The following PABPC4L variants were observed in gnomAD, a reference collection of about 807,000 sequenced individuals.
PABPC4L encodes the protein poly(A) binding protein cytoplasmic 4 like.
For synonymous variants in PABPC4L, 169 were observed against 164.1 expected (o/e 1.03, Z -0.23); for missense variants, 452 against 451.4 (o/e 1.00, Z -0.01).
the PABPC4L span, among the ~76,000 whole-genome samples, chr4:133,979,273 A>G: frequency 6.6e-6 from 1 of 152,184 alleles, no homozygotes; most frequent in East Asian, 1.9e-4. Context: ...TACAATTTTT[A>G]TGCAATTTAC....
chr4:134,105,795 T>C, the PABPC4L span, among the ~76,000 whole-genome samples: 1 of 151,820 alleles, frequency 6.6e-6, no homozygotes, highest in East Asian at 1.9e-4. Context: ...GGCTTTATTC[T>C]CTAATCAATT....
chr4:134,111,857 T>C, the PABPC4L span, among the ~76,000 whole-genome samples: 1 of 152,014 alleles, frequency 6.6e-6, no homozygotes, highest in Non-Finnish European at 1.5e-5. Context: ...TTGCCCAGTC[T>C]CTGGTGTGTC....
the PABPC4L span, among the ~76,000 whole-genome samples, chr4:133,985,028 A>G: frequency 6.6e-6 from 1 of 152,004 alleles, no homozygotes. Context: ...ATCTACCACT[A>G]CTTTCATAGG....
At chr4:134,007,223 A>C in the PABPC4L span, among the ~76,000 whole-genome samples, 4 of 151,834 alleles carry the variant, frequency 2.6e-5, no homozygotes, top group Middle Eastern at 3.2e-3. Flanking sequence ...ATAGGGTTTT[A>C]TATTTACTAT....
chr4:134,068,558 C>T, the PABPC4L span, among the ~76,000 whole-genome samples: 408 of 152,158 alleles, frequency 2.7e-3, 3 homozygotes, highest in African/African-American at 9.2e-3. Flanking sequence ...TTGATCATGT[C>T]ATCATGTTGT....
chr4:134,200,865 C>A lies in PABPC4L; in HGVS notation c.155G>T (p.Gly52Val). The change falls in exon 2 of 2, where the codon GGC becomes GTC. Residue 52 changes from glycine to valine, a missense_variant. By Grantham distance (109) the Gly-to-Val change is moderately radical. Coordinates refer to ENST00000421491, the MANE Select transcript of PABPC4L (RefSeq NM_001114734.2). ...CTGCAAGAAGTTCACGTAGGCATAG[C>A]CCAGAGAGCGGCGGGTGACCTGGTC... ...CRDQVTRRSLGYAYVNFLQLA... is the reference protein window; with the variant it reads ...CRDQVTRRSLVYAYVNFLQLA... 6.3e-7 allele frequency: 1 copy of A among 1,574,932 alleles called. No homozygotes were observed. The highest frequency in any genetic ancestry group is 1.7e-4 in the Middle Eastern group (1 of 6,030).
chr4:134,034,818 A>T, the PABPC4L span, among the ~76,000 whole-genome samples: 1 of 152,014 alleles, frequency 6.6e-6, no homozygotes, highest in Non-Finnish European at 1.5e-5. Flanking sequence ...GGTGATCATG[A>T]TGTGAACACT....
chr4:134,071,061 A>G, the PABPC4L span, among the ~76,000 whole-genome samples: 1 of 152,090 alleles, frequency 6.6e-6, no homozygotes, highest in Non-Finnish European at 1.5e-5. Flanking sequence ...CCACCTCTCT[A>G]AGCAGTTCTC....
At chr4:133,962,287 C>A in the PABPC4L span, among the ~76,000 whole-genome samples, 3 of 152,170 alleles carry the variant, frequency 2.0e-5, 1 homozygote, top group South Asian at 6.2e-4. Context: ...GAAGAAATCC[C>A]TGGTTTACTT....
chr4:134,093,157 G>A, the PABPC4L span, among the ~76,000 whole-genome samples: 1 of 149,638 alleles, frequency 6.7e-6, no homozygotes, highest in Non-Finnish European at 1.5e-5. Flanking sequence ...GGATTTTTAT[G>A]TATCTTTTTT....
the PABPC4L span, among the ~76,000 whole-genome samples, chr4:134,014,981 C>T: frequency 6.6e-6 from 1 of 152,080 alleles, no homozygotes; most frequent in East Asian, 1.9e-4. Flanking sequence ...TGGACTATAG[C>T]TACATCTCAT....
chr4:134,191,101 T>C, the PABPC4L span, among the ~76,000 whole-genome samples: 1 of 152,200 alleles, frequency 6.6e-6, no homozygotes, highest in Non-Finnish European at 1.5e-5. Flanking sequence ...ATTCATCTCT[T>C]GAAATGTATT....
chr4:134,092,467 C>T, the PABPC4L span, among the ~76,000 whole-genome samples: 1 of 151,946 alleles, frequency 6.6e-6, no homozygotes, highest in South Asian at 2.1e-4. Context: ...TTCAAATTCC[C>T]ATGACCTGAT....
At chr4:134,076,287 A>C in the PABPC4L span, among the ~76,000 whole-genome samples, 1 of 152,202 alleles carries the variant, frequency 6.6e-6, no homozygotes, top group Non-Finnish European at 1.5e-5. Flanking sequence ...GGCTGGGTTA[A>C]AATAAGAAAG....
chr4:134,104,977 C>T, the PABPC4L span, among the ~76,000 whole-genome samples: 4 of 151,664 alleles, frequency 2.6e-5, no homozygotes, highest in African/African-American at 9.7e-5. Flanking sequence ...TGATTTTTAG[C>T]TTTTTTCCAA....
the PABPC4L span, among the ~76,000 whole-genome samples, chr4:133,962,275 A>G: frequency 2.6e-5 from 4 of 152,234 alleles, no homozygotes; most frequent in Non-Finnish European, 4.4e-5. Context: ...GATCTAAACC[A>G]AGAAGAAATC....
At chr4:134,193,600 T>G (rs1729573769), downstream of PABPC4L, among the ~76,000 whole-genome samples, 1 of 151,880 alleles carries the variant, frequency 6.6e-6, no homozygotes, top group African/African-American at 2.4e-5. Context: ...ATATTTCAAT[T>G]TGGCTCCCAA....
chr4:133,988,432 A>C, the PABPC4L span, among the ~76,000 whole-genome samples: 32 of 152,336 alleles, frequency 2.1e-4, no homozygotes, highest in African/African-American at 7.7e-4. Context: ...AAATTCACCA[A>C]AACAAAGGGG....
the PABPC4L span, among the ~76,000 whole-genome samples, chr4:134,147,110 A>G: frequency 6.6e-6 from 1 of 152,272 alleles, no homozygotes; most frequent in African/African-American, 2.4e-5. Flanking sequence ...CTTTCCATAC[A>G]TCAGCATTTC....
Sources: gnomAD v4.1 joint callset for allele counts (sites outside exome capture counted in the v4.1 genomes callset) on GRCh38, gnomAD v4.1.1 for gene constraint, MANE v1.5 for transcripts, NCBI Gene and HGNC (gene_info 2026-07-23, HGNC 2026-07-21) for gene names.